The following SLC35D4 variants were observed in gnomAD, a reference collection of about 807,000 sequenced individuals.
SLC35D4 encodes UDP-N-acetylglucosamine transporter SLC35D4.
At chr18:23,280,964 C>G in the SLC35D4 span, among the ~76,000 whole-genome samples, 1 of 152,130 alleles carries the variant, frequency 6.6e-6, no homozygotes, top group Non-Finnish European at 1.5e-5. Context: ...TCCCCACCCC[C>G]AGGTAGGGAA....
At chr18:23,288,195 C>T in the SLC35D4 span, among the ~76,000 whole-genome samples, 1 of 152,118 alleles carries the variant, frequency 6.6e-6, no homozygotes, top group East Asian at 1.9e-4. Context: ...ACCCCATTTC[C>T]CCACATTTCC....
the SLC35D4 span, among the ~76,000 whole-genome samples, chr18:23,380,206 T>C: frequency 2.0e-5 from 3 of 152,188 alleles, no homozygotes; most frequent in African/African-American, 7.2e-5. Flanking sequence ...CCAGGTGCTG[T>C]TCTAAGGGCT....
the SLC35D4 span, among the ~76,000 whole-genome samples, chr18:23,349,561 G>T: frequency 2.6e-5 from 4 of 152,258 alleles, no homozygotes; most frequent in African/African-American, 9.6e-5. Context: ...AACCCAGGCA[G>T]TGGAGGTTGC....
At chr18:23,364,153 G>A in the SLC35D4 span, among the ~76,000 whole-genome samples, 1 of 152,168 alleles carries the variant, frequency 6.6e-6, no homozygotes, top group African/African-American at 2.4e-5. Flanking sequence ...CCAACAGAAA[G>A]CTGTTACTGC....
the SLC35D4 span, among the ~76,000 whole-genome samples, chr18:23,274,151 G>T: frequency 7.9e-5 from 12 of 152,086 alleles, no homozygotes; most frequent in African/African-American, 2.9e-4. Context: ...ATCTATTCTG[G>T]TCACAAACTC....
the SLC35D4 span, among the ~76,000 whole-genome samples, chr18:23,304,803 C>T: frequency 6.6e-6 from 1 of 151,988 alleles, no homozygotes. Flanking sequence ...TGAGAGGGGT[C>T]CAGTCCTCTT....
the SLC35D4 span, among the ~76,000 whole-genome samples, chr18:23,302,571 T>G: frequency 1.3e-5 from 2 of 152,188 alleles, no homozygotes; most frequent in Admixed American, 1.3e-4. Flanking sequence ...AGCTAAGCTG[T>G]TGTCCATCCA....
At chr18:23,265,271 C>A in the SLC35D4 span, among the ~76,000 whole-genome samples, 3 of 152,114 alleles carry the variant, frequency 2.0e-5, no homozygotes, top group Admixed American at 1.3e-4. Context: ...CACGGCCCAG[C>A]CTCCACCCCA....
the SLC35D4 span, among the ~76,000 whole-genome samples, chr18:23,252,187 T>G: frequency 1.3e-5 from 2 of 151,156 alleles, no homozygotes; most frequent in African/African-American, 4.9e-5. Context: ...AGACATAAAG[T>G]GGAGTAGTGG....
chr18:23,362,782 G>T, the SLC35D4 span, among the ~76,000 whole-genome samples: 1 of 152,122 alleles, frequency 6.6e-6, no homozygotes, highest in South Asian at 2.1e-4. Flanking sequence ...ACTCCTCAGG[G>T]TTTCAATTTC....
At chr18:23,247,394 G>A in the SLC35D4 span, among the ~76,000 whole-genome samples, 1 of 152,348 alleles carries the variant, frequency 6.6e-6, no homozygotes, top group Middle Eastern at 3.4e-3. Context: ...TCTGAACAGT[G>A]TGGGGCTGGT....
chr18:23,437,469 G>A, the SLC35D4 span, among the ~76,000 whole-genome samples: 88 of 152,130 alleles, frequency 5.8e-4, no homozygotes, highest in Non-Finnish European at 1.1e-3. Context: ...GGGGGAGCAG[G>A]AGCCAATTGC....
chr18:23,403,910 G>A, the SLC35D4 span, among the ~76,000 whole-genome samples: 29 of 152,274 alleles, frequency 1.9e-4, no homozygotes, highest in Admixed American at 5.9e-4. Flanking sequence ...ACGAGGTCAG[G>A]TGATCGAGAA....
the SLC35D4 span, among the ~76,000 whole-genome samples, chr18:23,344,404 T>C: frequency 1.3e-5 from 2 of 152,192 alleles, no homozygotes; most frequent in Non-Finnish European, 2.9e-5. Flanking sequence ...ATGGTAATTC[T>C]GTTTTAAGTT....
the SLC35D4 span, among the ~76,000 whole-genome samples, chr18:23,411,238 GGGGAA>G: frequency 1.8e-4 from 27 of 146,806 alleles, no homozygotes; most frequent in East Asian, 1.8e-3. Context: ...GGGAAGGGAA[GGGGAA>G]GGGAAGGGAA....
the SLC35D4 span, among the ~76,000 whole-genome samples, chr18:23,248,512 C>CTTTTT: frequency 0.013 from 1,208 of 90,686 alleles, 28 homozygotes; most frequent in African/African-American, 0.035. Flanking sequence ...GACCCTATGT[C>CTTTTT]TTTTTTTTTT....
the SLC35D4 span, among the ~76,000 whole-genome samples, chr18:23,391,054 C>T: frequency 6.6e-6 from 1 of 151,786 alleles, no homozygotes; most frequent in Non-Finnish European, 1.5e-5. Context: ...GGTGAAACCC[C>T]GTCTCTACTA....
At chr18:23,315,353 T>C in the SLC35D4 span, among the ~76,000 whole-genome samples, 1 of 152,020 alleles carries the variant, frequency 6.6e-6, no homozygotes. Context: ...GAGAAAACTT[T>C]TACTGAACTT....
At chr18:23,411,555 T>A in the SLC35D4 span, among the ~76,000 whole-genome samples, 1 of 105,154 alleles carries the variant, frequency 9.5e-6, no homozygotes, top group African/African-American at 3.3e-5. Flanking sequence ...GAAAGAAAGG[T>A]GTGTGCTGTA....
Sources: gnomAD v4.1 joint callset for allele counts (sites outside exome capture counted in the v4.1 genomes callset) on GRCh38, gnomAD v4.1.1 for gene constraint, MANE v1.5 for transcripts, NCBI Gene and HGNC (gene_info 2026-07-23, HGNC 2026-07-21) for gene names.